EPC2: variants seen among roughly 807,000 people sequenced by gnomAD.
EPC2 encodes enhancer of polycomb 2, also known as enhancer of polycomb homolog 2.
EPC2 carries 14 observed loss-of-function variants against 92.1 expected under a neutral mutation model. The observed-to-expected ratio is 0.15, with a 90% confidence interval of 0.10 to 0.24. EPC2 has a LOEUF of 0.24. Ranked by LOEUF, EPC2 falls within the 10% of genes least tolerant of loss-of-function variation. The probability of loss-of-function intolerance (pLI) is 1.00; values close to 1 mark genes in which losing one functional copy is unlikely to be tolerated. For missense variants in EPC2, 755 were observed against 971.5 expected, an observed-to-expected ratio of 0.78 and a Z score of 2.96; for synonymous variants, 340 against 334.7, an observed-to-expected ratio of 1.02 and a Z score of -0.17.
At chr2:148,781,366 GTC>G (rs2105440439) in intron 10 of EPC2, among the ~76,000 whole-genome samples, 1 of 152,188 alleles carries the variant, frequency 6.6e-6, no homozygotes, top group African/African-American at 2.4e-5. Context: ...AAGATACTAA[GTC>G]TGAATAAATG....
chr2:148,747,444 C>A (rs980425310), intron 3 of EPC2, among the ~76,000 whole-genome samples: 3 of 151,992 alleles, frequency 2.0e-5, no homozygotes, highest in Admixed American at 2.0e-4. Flanking sequence ...CCAAAAGGTG[C>A]CCAAGTCCCT....
At chr2:148,758,119 T>C (rs1242256440) in intron 4 of EPC2, among the ~76,000 whole-genome samples, 1 of 125,018 alleles carries the variant, frequency 8.0e-6, no homozygotes, top group Non-Finnish European at 1.6e-5. Flanking sequence ...ATGAAAGTAA[T>C]GGATTCTACC....
rs1013056651 is a variant in EPC2 at position 148,662,809 on chromosome 2, A to T, written c.153+17639A>T. On this transcript the variant is annotated intron_variant, in intron 1 of 13. Transcript: ENST00000258484. ...TTGTGCACATGTACCCTAAAACTTA[A>T]AATATAATAATAATAAAATTTTTTT... is the stretch of plus-strand genomic sequence containing the variant. Among the ~76,000 whole-genome samples the T allele has an allele frequency of 7.7e-4, 61 of 79,302 alleles. 1 individual carries two copies. The highest frequency in any genetic ancestry group is 2.1e-3 in the Admixed American group (19 of 9,146). The allele number at this position is 79,302 out of a possible 152,430, so 52.0% of individuals were successfully genotyped here.
In EPC2 at chr2:148,700,626, T is replaced by C. The variant is rs202116262; in HGVS notation, c.313+10253T>C. ...TACTCTTTTGTCAAATTCTTGCTGT[T>C]TTGTTTATAATAGCTTCAGAGTAAG... is the stretch of plus-strand genomic sequence containing the variant. On this transcript the variant is annotated intron_variant, in intron 2 of 13. Coordinates refer to ENST00000258484, the MANE Select transcript of EPC2 (RefSeq NM_015630.4). Among the ~76,000 whole-genome samples the C allele has an allele frequency of 1.4e-4, 21 of 152,236 alleles. No individual in the cohort carries two copies. In the East Asian group the frequency reaches 3.9e-3, roughly 28 times the overall value.
intron 6 of EPC2, among the ~76,000 whole-genome samples, chr2:148,763,478 C>G (rs1358061182): frequency 6.6e-6 from 1 of 152,154 alleles, no homozygotes; most frequent in Non-Finnish European, 1.5e-5. Context: ...AAATAGGAAA[C>G]AGATATTGAC....
At chr2:148,697,688 T>G (rs1165811092) in intron 2 of EPC2, among the ~76,000 whole-genome samples, 1 of 152,188 alleles carries the variant, frequency 6.6e-6, no homozygotes, top group African/African-American at 2.4e-5. Flanking sequence ...AAGCTGATCC[T>G]TAAGTGCTTC....
chr2:148,733,579 C>G (rs1003761805), intron 2 of EPC2, among the ~76,000 whole-genome samples: 1 of 128,466 alleles, frequency 7.8e-6, no homozygotes, highest in Non-Finnish European at 1.6e-5. Flanking sequence ...CTCACTGCAT[C>G]CTTGAGCTCC....
chr2:148,726,891 T>A (rs1471442154), intron 2 of EPC2, among the ~76,000 whole-genome samples: 2 of 151,872 alleles, frequency 1.3e-5, no homozygotes, highest in East Asian at 3.9e-4. Context: ...GCCTTTGCAG[T>A]CTGTTGATTG....
chr2:148,753,366 G>A (rs985114206), intron 3 of EPC2, among the ~76,000 whole-genome samples: 1 of 152,146 alleles, frequency 6.6e-6, no homozygotes, highest in Non-Finnish European at 1.5e-5. Context: ...TATGTCACTG[G>A]TACAAAGAAT....
chr2:148,770,966 G>A, intron 9 of EPC2, 29 bp downstream of exon 9: 1 of 1,602,228 alleles, frequency 6.2e-7, no homozygotes, highest in South Asian at 1.1e-5. Context: ...CCTGGTTTTT[G>A]TTTGCTATCT....
At chr2:148,647,608 C>T (rs1426378509) in intron 1 of EPC2, among the ~76,000 whole-genome samples, 5 of 144,388 alleles carry the variant, frequency 3.5e-5, no homozygotes, top group Non-Finnish European at 7.5e-5. Context: ...CGCCTGGCCG[C>T]GCCTTGCAGA....
chr2:148,669,637 G>T (rs1681115732), intron 1 of EPC2, among the ~76,000 whole-genome samples: 1 of 152,122 alleles, frequency 6.6e-6, no homozygotes. Flanking sequence ...CGCAGTGTTG[G>T]CACCAAAACA....
rs551674556 is a variant in EPC2 at position 148,769,508 on chromosome 2, A to G, written c.1230+268A>G. 2.6e-5 allele frequency among the ~76,000 whole-genome samples: 4 copies of G among 152,256 alleles called. No individual in the cohort carries two copies. The South Asian group carries it at 6.2e-4, about 24-fold the overall frequency. On this transcript the variant is annotated intron_variant, in intron 8 of 13. Transcript: ENST00000258484. ...TAATTATAGCTTCAGCAGCTGTGAA[A>G]ATTACTCAGTGTGTCATTACTAGAA... is the stretch of plus-strand genomic sequence containing the variant.
chr2:148,743,483 A>G (rs958063991), intron 2 of EPC2, 139 bp from the exon 3 acceptor site: 13 of 575,536 alleles, frequency 2.3e-5, no homozygotes, highest in Non-Finnish European at 3.6e-5. Context: ...AGTCTCTGAA[A>G]TTAATTGTGG....
chr2:148,755,059 G>A (rs1683159735), intron 4 of EPC2, among the ~76,000 whole-genome samples: 1 of 152,162 alleles, frequency 6.6e-6, no homozygotes, highest in African/African-American at 2.4e-5. Flanking sequence ...TAATATAACA[G>A]CTGTGAAGCA....
intron 2 of EPC2, among the ~76,000 whole-genome samples, chr2:148,701,351 G>T (rs1167998731): frequency 6.6e-6 from 1 of 152,112 alleles, no homozygotes; most frequent in East Asian, 1.9e-4. Context: ...ATCTTAGTAG[G>T]AAAGCGTCTG....
intron 1 of EPC2, among the ~76,000 whole-genome samples, chr2:148,663,004 T>C (rs1240160148): frequency 6.6e-6 from 1 of 151,404 alleles, no homozygotes; most frequent in Non-Finnish European, 1.5e-5. Context: ...TTCCAGGAGA[T>C]GGAATATGAT....
At chr2:148,733,835 CTGTT>C (rs1322356254) in intron 2 of EPC2, among the ~76,000 whole-genome samples, 4 of 152,048 alleles carry the variant, frequency 2.6e-5, no homozygotes, top group African/African-American at 9.7e-5. Flanking sequence ...ATGTAAAAAT[CTGTT>C]TGTTCATTTT....
chr2:148,784,802 C>G lies in EPC2; in HGVS notation c.2152C>G (p.Gln718Glu). 1 of 1,614,012 alleles carries G rather than the reference C, an allele frequency of 6.2e-7. No individual in the cohort carries two copies. Among genetic ancestry groups the G allele is most frequent in the Non-Finnish European group, 8.5e-7 (1 of 1,179,886 alleles). Residue 718 changes from glutamine (Q) to glutamate (E), a missense_variant, in exon 13 of 14, where the codon CAG (glutamine) becomes GAG (glutamate). By Grantham distance (29) the Gln-to-Glu change is conservative (BLOSUM62 2). Around this residue, in one of 4 missense-constraint regions of EPC2, gnomAD observed 207 missense variants for 260.5 expected, o/e 0.79. Transcript: ENST00000258484. ...LIPALCTSSP[Q>E]TLPMNNSCLT... ...CCCAGCATTGTGCACAAGCAGTCCTCAGACACTTCCCATGAACAATTCCTG... is the reference window on the plus strand; with the variant it reads ...CCCAGCATTGTGCACAAGCAGTCCTGAGACACTTCCCATGAACAATTCCTG...
Sources: gnomAD v4.1 joint callset for allele counts (sites outside exome capture counted in the v4.1 genomes callset) on GRCh38, gnomAD v4.1.1 for gene constraint, gnomAD v4.1.1 regional missense constraint, MANE v1.5 for transcripts, NCBI Gene and HGNC (gene_info 2026-07-23, HGNC 2026-07-21) for gene names.